The following SLC35E4 variants were observed in gnomAD, a reference collection of about 807,000 sequenced individuals.
SLC35E4 encodes solute carrier family 35 member E4.
Under a neutral mutation model 19.3 loss-of-function variants are expected in SLC35E4, and 15 were observed. The ratio of observed to expected loss-of-function variants is 0.78; its 90% CI spans 0.52 to 1.20. The LOEUF (loss-of-function observed/expected upper bound fraction) is 1.20, where lower values mean the gene tolerates loss of function less well. SLC35E4 is among the 50% of genes most tolerant of loss of function. The probability of loss-of-function intolerance (pLI) is 0.00; values close to 1 mark genes in which losing one functional copy is unlikely to be tolerated. For missense variants in SLC35E4, 406 were observed against 472.3 expected (o/e 0.86, Z 1.30); for synonymous variants, 219 against 219.9 (o/e 1.00, Z 0.04).
At chr22:30,640,973 C>A (rs2088027176) in intron 1 of SLC35E4, among the ~76,000 whole-genome samples, 2 of 152,206 alleles carry the variant, frequency 1.3e-5, no homozygotes, top group Admixed American at 6.5e-5. Context: ...GAGGCCCTAT[C>A]TCTATCCTCC....
At chr22:30,655,428 C>T (rs1317787) in intron 2 of SLC35E4, among the ~76,000 whole-genome samples, 85,918 of 121,376 alleles carry the variant, frequency 0.71, 27,899 homozygotes, top group East Asian at 0.83. Flanking sequence ...TGAGATCCTA[C>T]CAAAAAAAAA....
chr22:30,646,969 G>A lies in SLC35E4; in HGVS notation c.991G>A (p.Val331Met), dbSNP rs941137675. The A allele has an allele frequency of 1.5e-5, 24 of 1,613,682 alleles. No homozygotes were observed. Among genetic ancestry groups the A allele is most frequent in the Middle Eastern group, 1.6e-4 (1 of 6,084 alleles). Residue 331 changes from valine (V) to methionine (M), a missense_variant, in exon 2 of 2, where the codon GTG (valine) becomes ATG (methionine). Transcript: ENST00000343605. Reference protein sequence around the residue: ...GMFLYHNCEFVASWAARRGLW... With the variant: ...GMFLYHNCEFMASWAARRGLW... Reference sequence around the variant, plus strand: ...GTTCCTTTACCACAACTGCGAGTTCGTGGCCTCCTGGGCTGCCCGTCGGGG... The same window carrying A: ...GTTCCTTTACCACAACTGCGAGTTCATGGCCTCCTGGGCTGCCCGTCGGGG...
intron 1 of SLC35E4, among the ~76,000 whole-genome samples, chr22:30,643,270 G>C (rs1449412312): frequency 6.6e-6 from 1 of 152,220 alleles, no homozygotes; most frequent in Non-Finnish European, 1.5e-5. Flanking sequence ...ACCCCTCTGA[G>C]CTCTCAGGCT....
intron 1 of SLC35E4, among the ~76,000 whole-genome samples, chr22:30,642,354 G>T (rs1452060494): frequency 1.3e-5 from 2 of 152,142 alleles, no homozygotes; most frequent in Admixed American, 6.5e-5. Context: ...GGCTCCAGGA[G>T]AGGCACCAGG....
intron 1 of SLC35E4, among the ~76,000 whole-genome samples, chr22:30,640,078 C>G (rs1399610021): frequency 6.6e-6 from 1 of 152,202 alleles, no homozygotes; most frequent in Non-Finnish European, 1.5e-5. Flanking sequence ...TCTTCACAAT[C>G]CACGTTCTTC....
chr22:30,658,747 A>C (rs1321261305), intron 2 of SLC35E4, among the ~76,000 whole-genome samples: 1 of 152,196 alleles, frequency 6.6e-6, no homozygotes, highest in African/African-American at 2.4e-5. Context: ...GCAGTATTCC[A>C]GTGAATGAGA....
Position 30,647,016 on chromosome 22 carries a change from C to A in SLC35E4, c.1038C>A (p.Pro346=), listed in dbSNP as rs750273925. 3.7e-6 allele frequency: 6 copies of A among 1,602,840 alleles called. No individual in the cohort carries two copies. The highest frequency in any genetic ancestry group is 3.3e-4 in the Middle Eastern group (2 of 6,022). Reference sequence around the variant, plus strand: ...GGGGGCTGTGGCGGAGGGACCAGCCCAGCAAGGGTCTTTGAGACCTGGGGG... The same window carrying A: ...GGGGGCTGTGGCGGAGGGACCAGCCAAGCAAGGGTCTTTGAGACCTGGGGG... The part of the protein sequence containing the change: ...ARRGLWRRDQ[P]SKGL Residue 346 remains proline, a synonymous_variant, in exon 2 of 2, where the codon CCC becomes CCA. Transcript: ENST00000343605.
chr22:30,662,255 T>A (rs901519950), exon 3 of SLC35E4: 1 of 152,168 alleles, frequency 6.6e-6, no homozygotes, highest in Admixed American at 6.5e-5. Flanking sequence ...ATCTTCACAA[T>A]AACTCTGTGA....
rs140359117 is a variant in SLC35E4 at position 30,637,045 on chromosome 22, C to T, written c.595C>T (p.Arg199Cys). The T allele has an allele frequency of 1.8e-5, 29 of 1,581,006 alleles. No homozygotes were observed. The highest frequency in any genetic ancestry group is 5.4e-5 in the African/African-American group (4 of 74,324). The change falls in exon 1 of 2, where the codon CGC (arginine) becomes TGC (cysteine). Residue 199 changes from arginine to cysteine, a missense_variant. Transcript: ENST00000343605. ...CTTCCTGCTCGCAGCCACCTGCCTC[C>T]GCGGACTCAAGTCGGTTCAGCAAAG... ...CGFLLAATCLRGLKSVQQSAL... is the reference protein window; with the variant it reads ...CGFLLAATCLCGLKSVQQSAL...
downstream of SLC35E4, chr22:30,667,174 A>G (rs533951760): frequency 1.3e-5 from 2 of 152,346 alleles, no homozygotes; most frequent in East Asian, 3.9e-4. Flanking sequence ...TCTAGAGTTA[A>G]TATTTCCATT....
chr22:30,652,679 G>A (rs1000447800), downstream of SLC35E4, among the ~76,000 whole-genome samples: 1 of 152,232 alleles, frequency 6.6e-6, no homozygotes, highest in Admixed American at 6.5e-5. Context: ...CTGTTGGCAG[G>A]AGGCCTCAGT....
rs747089164 is a variant in SLC35E4, at chr22:30,637,003, C to G, written c.553C>G (p.Pro185Ala). ...CAGCCTGGCTGGAGAGTTCCGGACA[C>G]CCCCTACCGGCTGTGGCTTCCTGCT... is the stretch of plus-strand genomic sequence containing the variant. Reference protein sequence around the residue: ...ACSLAGEFRTPPTGCGFLLAA... With the variant: ...ACSLAGEFRTAPTGCGFLLAA... The change falls in exon 1 of 2, where the codon CCC becomes GCC. Residue 185 changes from proline (P) to alanine (A), a missense_variant. Coordinates refer to ENST00000343605, the MANE Select transcript of SLC35E4 (RefSeq NM_001001479.4). 1 of 1,604,404 alleles carries G rather than the reference C, an allele frequency of 6.2e-7. No homozygotes were observed. The highest frequency in any genetic ancestry group is 2.2e-5 in the East Asian group (1 of 44,700).
chr22:30,661,444 CTTTTTTTT>C (rs56242112), intron 2 of SLC35E4: 91 of 136,476 alleles, frequency 6.7e-4, no homozygotes, highest in Middle Eastern at 3.8e-3. Flanking sequence ...TTTTCTTTTT[CTTTTTTTT>C]TTTTTTTCTT....
chr22:30,663,468 T>C (rs2088541606), downstream of SLC35E4: 2 of 1,612,408 alleles, frequency 1.2e-6, no homozygotes, highest in Non-Finnish European at 1.7e-6. Flanking sequence ...GACTTCCTTC[T>C]CATAGATGTC....
At chr22:30,637,534 G>T (rs987998427) in intron 1 of SLC35E4, among the ~76,000 whole-genome samples, 1 of 152,070 alleles carries the variant, frequency 6.6e-6, no homozygotes, top group Admixed American at 6.6e-5. Context: ...GATTTCAAGC[G>T]TGAGCCACCC....
At chr22:30,666,711 C>T (rs2088685582), downstream of SLC35E4, 1 of 150,452 alleles carries the variant, frequency 6.6e-6, no homozygotes, top group Non-Finnish European at 1.5e-5. Context: ...AGGCATGGCC[C>T]CTTTTCTCAG....
intron 2 of SLC35E4, chr22:30,654,168 T>C (rs1479091198): frequency 3.3e-5 from 8 of 240,548 alleles, no homozygotes; most frequent in African/African-American, 7.0e-5. Context: ...ATTTTTTTAG[T>C]AGAGACTGGG....
downstream of SLC35E4, chr22:30,667,817 GT>G (rs34597012): frequency 0.29 from 43,735 of 152,476 alleles, 7,286 homozygotes; most frequent in African/African-American, 0.45. Context: ...AACGGGCCGG[GT>G]CGCACCAGGG....
At chr22:30,642,761 G>C (rs1010594277) in intron 1 of SLC35E4, among the ~76,000 whole-genome samples, 1 of 150,208 alleles carries the variant, frequency 6.7e-6, no homozygotes, top group Non-Finnish European at 1.5e-5. Flanking sequence ...CAGGCACGGT[G>C]GTTCACACCT....
Sources: allele counts gnomAD v4.1 joint callset (sites outside exome capture counted in the v4.1 genomes callset), GRCh38; gene constraint gnomAD v4.1.1; transcripts MANE v1.5; gene names NCBI Gene and HGNC (gene_info 2026-07-23, HGNC 2026-07-21).